Variants in IQSEC3 observed in about 807,000 individuals in gnomAD.
IQSEC3 encodes the protein IQ motif and SEC7 domain-containing protein 3.
IQSEC3 carries 50 observed loss-of-function variants against 105.4 expected under a neutral mutation model. The observed-to-expected ratio is 0.47, with a 90% CI of 0.38 to 0.60. The LOEUF (loss-of-function observed/expected upper bound fraction) is 0.60, where lower values mean the gene tolerates loss of function less well. Ranked by LOEUF, IQSEC3 falls within the 20% of genes least tolerant of loss-of-function variation. The pLI, the probability that IQSEC3 is intolerant of heterozygous loss-of-function variation, is 0.00. For missense variants in IQSEC3, 1,415 were observed against 1,630.0 expected (o/e 0.87, Z 2.27); for synonymous variants, 708 against 746.0 (o/e 0.95, Z 0.83).
At chr12:98,433 T>C (rs1321453908) in intron 1 of IQSEC3, among the ~76,000 whole-genome samples, 1 of 152,194 alleles carries the variant, frequency 6.6e-6, no homozygotes, top group African/African-American at 2.4e-5. Flanking sequence ...AAAAATTTCC[T>C]CATGATTCTA....
chr12:119,732 T>C (rs868982599), intron 2 of IQSEC3, among the ~76,000 whole-genome samples: 3 of 152,152 alleles, frequency 2.0e-5, no homozygotes, highest in Non-Finnish European at 4.4e-5. Context: ...CCTCAGCCCA[T>C]GTTGGGTAAG....
chr12:128,124 T>C (rs1001739556), intron 3 of IQSEC3, among the ~76,000 whole-genome samples: 18 of 152,178 alleles, frequency 1.2e-4, no homozygotes, highest in African/African-American at 4.3e-4. Context: ...GTACTTGCTT[T>C]AGGTACCTCT....
intron 1 of IQSEC3, among the ~76,000 whole-genome samples, chr12:98,232 C>A (rs550356397): frequency 6.6e-6 from 1 of 152,102 alleles, no homozygotes; most frequent in Non-Finnish European, 1.5e-5. Context: ...TGGCTCAAAG[C>A]GGATATTGGA....
intron 3 of IQSEC3, among the ~76,000 whole-genome samples, chr12:134,615 C>T (rs1339693511): frequency 1.3e-5 from 2 of 152,198 alleles, no homozygotes; most frequent in African/African-American, 2.4e-5. Context: ...GAAATCTGGC[C>T]GGGCGCAGTG....
At chr12:102,124 C>A (rs535240144) in intron 2 of IQSEC3, among the ~76,000 whole-genome samples, 293 of 145,752 alleles carry the variant, frequency 2.0e-3, no homozygotes, top group African/African-American at 7.1e-3. Flanking sequence ...TCTGGCTCCT[C>A]CCCCGTCAGT....
chr12:131,008 GC>G, intron 3 of IQSEC3, among the ~76,000 whole-genome samples: 1 of 46,090 alleles, frequency 2.2e-5, no homozygotes, highest in Non-Finnish European at 4.4e-5. Context: ...GTGCCCCCCA[GC>G]TAGCGGCTCT....
At chr12:167,424 A>C (rs1938718124) in intron 11 of IQSEC3, 1 of 152,210 alleles carries the variant, frequency 6.6e-6, no homozygotes, top group Non-Finnish European at 1.5e-5. Context: ...CTGTCATGTC[A>C]GGAGGTGAAT....
chr12:92,416 C>A (rs939553870), intron 1 of IQSEC3, among the ~76,000 whole-genome samples: 1 of 152,104 alleles, frequency 6.6e-6, no homozygotes, highest in Non-Finnish European at 1.5e-5. Flanking sequence ...TGAATGGTAC[C>A]CCCAGACTTG....
At chr12:156,910 G>T in intron 5 of IQSEC3, 115 bp from the exon 6 acceptor site, 2 of 1,285,558 alleles carry the variant, frequency 1.6e-6, no homozygotes, top group South Asian at 2.1e-5. Flanking sequence ...CCCCGGGGGT[G>T]AGTAGCCTGA....
At chr12:137,340 T>C (rs1286722007) in intron 3 of IQSEC3, 3 of 151,356 alleles carry the variant, frequency 2.0e-5, no homozygotes, top group Middle Eastern at 3.2e-3. Flanking sequence ...TTAGCATTTA[T>C]GTTTTTCATT....
intron 3 of IQSEC3, among the ~76,000 whole-genome samples, chr12:127,476 A>G (rs1658086706): frequency 6.6e-6 from 1 of 152,172 alleles, no homozygotes; most frequent in Non-Finnish European, 1.5e-5. Context: ...AGATTGCACC[A>G]CAGCACTCCA....
At position 151,335 on chromosome 12, in the gene IQSEC3, C is replaced by T. The variant is rs373283429; in HGVS notation, c.2154-5690C>T. Among the ~76,000 whole-genome samples the T allele has an allele frequency of 3.5e-4, 53 of 152,356 alleles. No homozygotes were observed. In the South Asian group the frequency reaches 0.01, roughly 29 times the overall value. Reference sequence around the variant, plus strand: ...CGGTACCTCCAGGCCCCTGGGTGCTCCAGCCAGAGCTCCAGGATGCACCAG... The same window carrying T: ...CGGTACCTCCAGGCCCCTGGGTGCTTCAGCCAGAGCTCCAGGATGCACCAG... On this transcript the variant is annotated intron_variant, in intron 5 of 13. Transcript: ENST00000538872.
intron 3 of IQSEC3, among the ~76,000 whole-genome samples, chr12:132,159 CGAA>C (rs1565419776): frequency 1.3e-5 from 2 of 151,838 alleles, no homozygotes; most frequent in African/African-American, 4.8e-5. Context: ...AGATAGGTCT[CGAA>C]GAAGAGGACA....
At chr12:137,956 G>T (rs933072748) in intron 3 of IQSEC3, among the ~76,000 whole-genome samples, 1 of 151,570 alleles carries the variant, frequency 6.6e-6, no homozygotes, top group East Asian at 1.9e-4. Flanking sequence ...GAGCTAATGC[G>T]CCCGGCCATG....
At chr12:92,707 C>A (rs1555073788) in intron 1 of IQSEC3, among the ~76,000 whole-genome samples, 1 of 152,204 alleles carries the variant, frequency 6.6e-6, no homozygotes, top group Non-Finnish European at 1.5e-5. Flanking sequence ...CTGCTGTAGG[C>A]CTCAGTTTCC....
At chr12:120,263 A>C (rs1442879784) in intron 2 of IQSEC3, among the ~76,000 whole-genome samples, 1 of 152,208 alleles carries the variant, frequency 6.6e-6, no homozygotes, top group Non-Finnish European at 1.5e-5. Context: ...GTGACGATGC[A>C]GAGAAAGGAG....
At chr12:141,804 C>G (rs1555089368) in intron 5 of IQSEC3, 1 of 153,534 alleles carries the variant, frequency 6.5e-6, no homozygotes, top group Non-Finnish European at 1.4e-5. Context: ...CCAACAAAAT[C>G]ATGACCAAAG....
At chr12:118,534 T>C (rs1430427946) in intron 2 of IQSEC3, among the ~76,000 whole-genome samples, 1 of 151,828 alleles carries the variant, frequency 6.6e-6, no homozygotes, top group Non-Finnish European at 1.5e-5. Flanking sequence ...TCTAGTGCAA[T>C]TGGCCAGGCC....
intron 3 of IQSEC3, among the ~76,000 whole-genome samples, chr12:127,986 C>T (rs1865471654): frequency 6.6e-6 from 1 of 152,312 alleles, no homozygotes. Context: ...TGGCCTTGGG[C>T]AAGTTGCTTG....
Sources: allele counts gnomAD v4.1 joint callset (sites outside exome capture counted in the v4.1 genomes callset), GRCh38; gene constraint gnomAD v4.1.1; transcripts MANE v1.5; gene names NCBI Gene and HGNC (gene_info 2026-07-23, HGNC 2026-07-21).